The following CCSER1 variants were observed in gnomAD, a reference collection of about 807,000 sequenced individuals.
The protein encoded by CCSER1 is serine-rich coiled-coil domain-containing protein 1.
CCSER1 carries 41 observed loss-of-function variants against 82.0 expected under a neutral mutation model. The observed-to-expected ratio is 0.50, with a 90% CI of 0.39 to 0.65. The LOEUF (loss-of-function observed/expected upper bound fraction) is 0.65. Ranked by LOEUF, CCSER1 falls within the 30% of genes least tolerant of loss-of-function variation. CCSER1 has a pLI of 0.00. For missense variants in CCSER1, 1,119 were observed against 1,064.2 expected, an observed-to-expected ratio of 1.05 and a Z score of -0.72; for synonymous variants, 414 against 383.9, an observed-to-expected ratio of 1.08 and a Z score of -0.92.
chr4:91,522,217 T>C (rs997204986), intron 10 of CCSER1, among the ~76,000 whole-genome samples: 4 of 152,222 alleles, frequency 2.6e-5, no homozygotes, highest in Non-Finnish European at 5.9e-5. Flanking sequence ...CCGAGGACTC[T>C]GTTCTGTTCC....
intron 10 of CCSER1, among the ~76,000 whole-genome samples, chr4:91,418,825 C>T (rs963707146): frequency 3.3e-5 from 5 of 151,844 alleles, no homozygotes; most frequent in African/African-American, 4.8e-5. Context: ...CCCTGATAAA[C>T]GTATATGCAA....
At chr4:91,059,740 T>A (rs1197611349) in intron 9 of CCSER1, among the ~76,000 whole-genome samples, 3 of 151,992 alleles carry the variant, frequency 2.0e-5, no homozygotes, top group African/African-American at 7.2e-5. Context: ...TTAGAAAAAC[T>A]AATTCCACCT....
chr4:90,563,884 T>G (rs890843037), intron 5 of CCSER1, among the ~76,000 whole-genome samples: 2 of 152,226 alleles, frequency 1.3e-5, no homozygotes, highest in Non-Finnish European at 2.9e-5. Context: ...ATGGCTATAC[T>G]AAGTTACATT....
At chr4:91,211,022 G>A (rs1736772843) in intron 10 of CCSER1, among the ~76,000 whole-genome samples, 1 of 151,974 alleles carries the variant, frequency 6.6e-6, no homozygotes, top group Non-Finnish European at 1.5e-5. Flanking sequence ...GTAAGTTTAA[G>A]TTTGTTTCAA....
At chr4:90,155,051 C>G (rs1354189534) in intron 1 of CCSER1, among the ~76,000 whole-genome samples, 1 of 152,198 alleles carries the variant, frequency 6.6e-6, no homozygotes, top group African/African-American at 2.4e-5. Context: ...TGAGATACAT[C>G]CCATCAATAC....
chr4:91,020,082 T>G (rs1249619066), intron 9 of CCSER1, among the ~76,000 whole-genome samples: 3 of 152,098 alleles, frequency 2.0e-5, no homozygotes, highest in Non-Finnish European at 4.4e-5. Flanking sequence ...CTAAAATTTC[T>G]TGGGGGAAAA....
At chr4:90,374,242 C>T (rs1364712178) in intron 3 of CCSER1, among the ~76,000 whole-genome samples, 1 of 152,192 alleles carries the variant, frequency 6.6e-6, no homozygotes. Context: ...TGGCAGTAAA[C>T]ATGTTGATCA....
In CCSER1 at chr4:90,362,296, A is replaced by C. The variant is rs146273888; in HGVS notation, c.1510-37740A>C. 5.6e-4 allele frequency among the ~76,000 whole-genome samples: 86 copies of C among 152,276 alleles called. 2 individuals are homozygous for C. In the East Asian group the frequency reaches 0.016, roughly 28 times the overall value. On this transcript the variant is annotated intron_variant, in intron 3 of 10. Transcript: ENST00000509176. ...TGATAGGGTGTAGGGCAATAGAGAA[A>C]GTTTTGGTGAAAAACAATTCAGAAT...
intron 10 of CCSER1, among the ~76,000 whole-genome samples, chr4:91,136,930 G>C (rs1476973346): frequency 6.6e-6 from 1 of 151,716 alleles, no homozygotes; most frequent in Non-Finnish European, 1.5e-5. Context: ...AAACTTGGTA[G>C]CTTTCTCTAA....
At chr4:91,271,242 T>C (rs993385856) in intron 10 of CCSER1, among the ~76,000 whole-genome samples, 1 of 152,158 alleles carries the variant, frequency 6.6e-6, no homozygotes, top group Non-Finnish European at 1.5e-5. Context: ...AAGTTACTTA[T>C]GCTAAGCAGT....
intron 10 of CCSER1, among the ~76,000 whole-genome samples, chr4:91,390,744 G>A (rs572113296): frequency 7.2e-5 from 11 of 152,112 alleles, no homozygotes; most frequent in Middle Eastern, 3.4e-3. Context: ...ATTGGTTACC[G>A]ATTCAACTTC....
chr4:90,398,288 A>G (rs1367754152), intron 3 of CCSER1, among the ~76,000 whole-genome samples: 3 of 152,212 alleles, frequency 2.0e-5, no homozygotes, highest in Non-Finnish European at 4.4e-5. Context: ...AAATGCAGTC[A>G]TATTCTAAGG....
chr4:90,305,330 C>T (rs1734065059), intron 1 of CCSER1, among the ~76,000 whole-genome samples: 1 of 152,132 alleles, frequency 6.6e-6, no homozygotes, highest in Admixed American at 6.5e-5. Context: ...TCTTGACATT[C>T]ATGCATTGAA....
intron 9 of CCSER1, among the ~76,000 whole-genome samples, chr4:91,034,553 A>T (rs28582898): frequency 0.39 from 59,584 of 151,846 alleles, 12,432 homozygotes; most frequent in East Asian, 0.64. Flanking sequence ...ACCCCCCCCA[A>T]TTGAAGCACT....
At chr4:90,690,385 T>C (rs186612313) in intron 6 of CCSER1, among the ~76,000 whole-genome samples, 5 of 152,084 alleles carry the variant, frequency 3.3e-5, no homozygotes, top group Non-Finnish European at 5.9e-5. Flanking sequence ...ATTTTTTCTT[T>C]AAGGGAGAAT....
At chr4:91,572,002 G>T (rs928236338) in intron 10 of CCSER1, among the ~76,000 whole-genome samples, 4 of 152,122 alleles carry the variant, frequency 2.6e-5, no homozygotes, top group African/African-American at 9.7e-5. Context: ...TTCTGCAGCA[G>T]AGGCAGTGGC....
At chr4:90,405,546 T>C (rs193023060) in intron 4 of CCSER1, among the ~76,000 whole-genome samples, 13 of 152,262 alleles carry the variant, frequency 8.5e-5, no homozygotes, top group African/African-American at 2.9e-4. Flanking sequence ...CATCATGACC[T>C]ACGCACACAG....
intron 1 of CCSER1, among the ~76,000 whole-genome samples, chr4:90,151,748 A>G (rs1278381792): frequency 1.3e-5 from 2 of 152,146 alleles, no homozygotes; most frequent in Non-Finnish European, 2.9e-5. Context: ...CAGTTATTTA[A>G]GCACTCAGTT....
At chr4:90,521,358 G>A (rs1773108561) in intron 5 of CCSER1, among the ~76,000 whole-genome samples, 2 of 152,138 alleles carry the variant, frequency 1.3e-5, no homozygotes, top group South Asian at 2.1e-4. Context: ...GAAAGGGTAG[G>A]TAGAGTAAGC....
Sources: allele counts gnomAD v4.1 joint callset (sites outside exome capture counted in the v4.1 genomes callset), GRCh38; gene constraint gnomAD v4.1.1; transcripts MANE v1.5; gene names NCBI Gene and HGNC (gene_info 2026-07-23, HGNC 2026-07-21).